MACROD2: variants seen among roughly 807,000 people sequenced by gnomAD.
The protein encoded by MACROD2 is ADP-ribose glycohydrolase MACROD2.
MACROD2 carries 36 observed loss-of-function variants against 70.4 expected under a neutral mutation model. That is an observed-to-expected ratio of 0.51 (90% confidence interval 0.39 to 0.68). The LOEUF (loss-of-function observed/expected upper bound fraction) is 0.68. Ranked by LOEUF, MACROD2 falls within the 30% of genes least tolerant of loss-of-function variation. MACROD2 has a pLI of 0.00. For synonymous variants in MACROD2, 172 were observed against 178.8 expected, an observed-to-expected ratio of 0.96 and a Z score of 0.30; for missense variants, 496 against 538.4, an observed-to-expected ratio of 0.92 and a Z score of 0.78.
chr20:14,578,306 C>T (rs887158675), intron 4 of MACROD2, among the ~76,000 whole-genome samples: 1 of 151,736 alleles, frequency 6.6e-6, no homozygotes, highest in East Asian at 1.9e-4. Flanking sequence ...TTTGATATTA[C>T]AGTAGTCAGG....
chr20:14,149,012 C>T (rs1308645775), intron 3 of MACROD2, among the ~76,000 whole-genome samples: 2 of 152,050 alleles, frequency 1.3e-5, no homozygotes, highest in African/African-American at 4.8e-5. Flanking sequence ...TCTTCCCCTA[C>T]CTCTCTCTGT....
chr20:14,378,760 C>T (rs1233161302), intron 3 of MACROD2, among the ~76,000 whole-genome samples: 1 of 152,188 alleles, frequency 6.6e-6, no homozygotes, highest in South Asian at 2.1e-4. Context: ...TACTATCTCT[C>T]CTATGCTTCA....
At chr20:15,706,773 C>T (rs1460509131) in intron 8 of MACROD2, among the ~76,000 whole-genome samples, 1 of 152,114 alleles carries the variant, frequency 6.6e-6, no homozygotes, top group African/African-American at 2.4e-5. Context: ...TCTTTATCAC[C>T]ATCATAATTC....
intron 5 of MACROD2, among the ~76,000 whole-genome samples, chr20:15,209,095 T>C (rs189489226): frequency 0.012 from 1,764 of 150,410 alleles, 28 homozygotes; most frequent in African/African-American, 0.04. Context: ...CCTGTGGTGG[T>C]GGTGGTGGTG....
chr20:14,314,951 C>G (rs1002163806), intron 3 of MACROD2, among the ~76,000 whole-genome samples: 3 of 152,014 alleles, frequency 2.0e-5, no homozygotes, highest in Non-Finnish European at 4.4e-5. Flanking sequence ...AAGGCCATAT[C>G]CCAAATAAGC....
chr20:14,772,166 CT>C (rs1427582034), intron 5 of MACROD2, among the ~76,000 whole-genome samples: 1 of 152,026 alleles, frequency 6.6e-6, no homozygotes, highest in Non-Finnish European at 1.5e-5. Flanking sequence ...TAAAAATGTA[CT>C]TTTCCCCCTC....
intron 3 of MACROD2, among the ~76,000 whole-genome samples, chr20:14,320,663 ATTTTTTTTTTTTTT>A (rs11087086): frequency 1.0e-3 from 128 of 123,684 alleles, no homozygotes; most frequent in Middle Eastern, 4.8e-3. Flanking sequence ...CACCTTTGGA[ATTTTTTTTTTTTTT>A]TTTTTTTTTT....
intron 5 of MACROD2, among the ~76,000 whole-genome samples, chr20:14,852,948 C>A (rs529187821): frequency 2.6e-5 from 4 of 152,222 alleles, no homozygotes; most frequent in Admixed American, 1.3e-4. Context: ...GAAACATAAT[C>A]TCTTTGGGGA....
At chr20:15,343,137 G>A (rs1028921236) in intron 6 of MACROD2, among the ~76,000 whole-genome samples, 1 of 152,188 alleles carries the variant, frequency 6.6e-6, no homozygotes, top group Non-Finnish European at 1.5e-5. Flanking sequence ...TTGGGGCTCC[G>A]GATCAGCCAG....
At chr20:14,931,110 A>T (rs1173550810) in intron 5 of MACROD2, among the ~76,000 whole-genome samples, 1 of 152,098 alleles carries the variant, frequency 6.6e-6, no homozygotes, top group African/African-American at 2.4e-5. Flanking sequence ...GAACTATGAA[A>T]ATTTTCTTAT....
intron 5 of MACROD2, among the ~76,000 whole-genome samples, chr20:14,918,157 G>A (rs1311605872): frequency 6.6e-6 from 1 of 151,946 alleles, no homozygotes; most frequent in Admixed American, 6.6e-5. Flanking sequence ...TATTATTTTT[G>A]TAGGGATGGG....
At chr20:14,432,017 T>C (rs1303507999) in intron 3 of MACROD2, among the ~76,000 whole-genome samples, 1 of 152,172 alleles carries the variant, frequency 6.6e-6, no homozygotes, top group African/African-American at 2.4e-5. Flanking sequence ...GAGAAAATTA[T>C]TTGTCTCAAT....
chr20:14,736,758 T>TA (rs1416754382), intron 5 of MACROD2, among the ~76,000 whole-genome samples: 1 of 152,194 alleles, frequency 6.6e-6, no homozygotes, highest in Non-Finnish European at 1.5e-5. Flanking sequence ...TTATGACTTA[T>TA]ATAACATCAC....
intron 2 of MACROD2, among the ~76,000 whole-genome samples, chr20:14,068,497 C>T (rs1306168385): frequency 6.6e-6 from 1 of 152,106 alleles, no homozygotes; most frequent in Non-Finnish European, 1.5e-5. Context: ...AACTTCAATA[C>T]TGTGAAGGAT....
chr20:15,323,438 G>C (rs1029700706), intron 6 of MACROD2, among the ~76,000 whole-genome samples: 10 of 151,990 alleles, frequency 6.6e-5, no homozygotes, highest in African/African-American at 1.9e-4. Context: ...TTCCATGAAG[G>C]CTTCATTTTT....
intron 5 of MACROD2, among the ~76,000 whole-genome samples, chr20:15,007,000 AT>A (rs563374931): frequency 7.2e-5 from 11 of 152,166 alleles, no homozygotes; most frequent in Non-Finnish European, 1.3e-4. Flanking sequence ...ATAAAAGCCA[AT>A]TGCTTTAAAA....
chr20:14,655,561 C>T (rs1985929900), intron 4 of MACROD2, among the ~76,000 whole-genome samples: 1 of 152,066 alleles, frequency 6.6e-6, no homozygotes, highest in South Asian at 2.1e-4. Context: ...ATTCCAGTAA[C>T]TTTATTGCTA....
intron 2 of MACROD2, among the ~76,000 whole-genome samples, chr20:14,022,588 C>T (rs552815735): frequency 1.3e-5 from 2 of 151,966 alleles, no homozygotes; most frequent in South Asian, 2.1e-4. Context: ...CTATCTTTCC[C>T]GTAGCCCTCC....
chr20:14,225,105 GTCT>G (rs2081720116), intron 3 of MACROD2, among the ~76,000 whole-genome samples: 1 of 152,084 alleles, frequency 6.6e-6, no homozygotes, highest in Admixed American at 6.5e-5. Flanking sequence ...TATTTATTGG[GTCT>G]TCTTGTTGGT....
Sources: allele counts gnomAD v4.1 joint callset (sites outside exome capture counted in the v4.1 genomes callset), GRCh38; gene constraint gnomAD v4.1.1; transcripts MANE v1.5; gene names NCBI Gene and HGNC (gene_info 2026-07-23, HGNC 2026-07-21).